Variants in LRRIQ1 observed in about 807,000 individuals in gnomAD.
The protein encoded by LRRIQ1 is leucine rich repeats and IQ motif containing 1.
A neutral mutation model predicts 211.9 loss-of-function variants in LRRIQ1; 210 were observed. That is an observed-to-expected ratio of 0.99 (90% CI 0.89 to 1.11). The LOEUF (loss-of-function observed/expected upper bound fraction) is 1.11. Ranked by LOEUF, LRRIQ1 falls within the 50% of genes most tolerant of loss-of-function variation. LRRIQ1 has a pLI of 0.00. For missense variants in LRRIQ1, 2,136 were observed against 1,939.5 expected, an observed-to-expected ratio of 1.10 and a Z score of -1.90; for synonymous variants, 699 against 650.1, an observed-to-expected ratio of 1.08 and a Z score of -1.14.
At chr12:85,270,609 C>A in the LRRIQ1 span, among the ~76,000 whole-genome samples, 1 of 152,042 alleles carries the variant, frequency 6.6e-6, no homozygotes, top group Non-Finnish European at 1.5e-5. Context: ...TGCACAGCAC[C>A]ATTTGTTAAT....
intron 18 of LRRIQ1, among the ~76,000 whole-genome samples, chr12:85,133,386 G>A (rs189180957): frequency 6.6e-5 from 10 of 152,184 alleles, no homozygotes; most frequent in East Asian, 1.9e-4. Context: ...TCAAACCTAC[G>A]CACACTTTCC....
rs190949471 is a variant in LRRIQ1, at chr12:85,262,142, A to G, written c.122-773A>G. On this transcript the variant is annotated intron_variant, in intron 1 of 1. Transcript: ENST00000602731. ...CATCCTGGGGTCTTACTGAGTAAAC[A>G]TTCTGAATCCACGAACTATTCTTAG... is the stretch of plus-strand genomic sequence containing the variant. 9.0e-3 allele frequency among the ~76,000 whole-genome samples: 1,370 copies of G among 152,274 alleles called. 8 individuals carry two copies. Among genetic ancestry groups the G allele is most frequent in the Admixed American group, 0.015 (223 of 15,290 alleles).
chr12:85,208,358 G>A (rs1893669341), intron 24 of LRRIQ1, among the ~76,000 whole-genome samples: 1 of 152,076 alleles, frequency 6.6e-6, no homozygotes, highest in Admixed American at 6.6e-5. Context: ...CACTTAAAAA[G>A]CTTTCTGAGT....
intron 15 of LRRIQ1, among the ~76,000 whole-genome samples, chr12:85,114,310 C>T (rs1022765782): frequency 1.3e-5 from 2 of 151,944 alleles, no homozygotes; most frequent in Non-Finnish European, 2.9e-5. Flanking sequence ...ACTAGCTTTT[C>T]CCATGATTCA....
chr12:85,146,304 A>G (rs1022093927), intron 19 of LRRIQ1, among the ~76,000 whole-genome samples: 5 of 151,766 alleles, frequency 3.3e-5, no homozygotes, highest in African/African-American at 1.2e-4. Flanking sequence ...TGTCCACCCC[A>G]TGGGATGACT....
intron 17 of LRRIQ1, among the ~76,000 whole-genome samples, chr12:85,125,225 C>T (rs1888295765): frequency 6.6e-6 from 1 of 152,004 alleles, no homozygotes; most frequent in African/African-American, 2.4e-5. Flanking sequence ...TACCTTTGCA[C>T]ATGCCATTTA....
At chr12:85,197,705 C>T (rs1346184419) in intron 24 of LRRIQ1, among the ~76,000 whole-genome samples, 1 of 151,514 alleles carries the variant, frequency 6.6e-6, no homozygotes, top group Admixed American at 6.6e-5. Context: ...GGAGGGATAG[C>T]ATCGGGAGAT....
intron 23 of LRRIQ1, among the ~76,000 whole-genome samples, chr12:85,155,755 G>A (rs1289296943): frequency 6.6e-6 from 1 of 151,704 alleles, no homozygotes; most frequent in Non-Finnish European, 1.5e-5. Context: ...AGCTTAGCTT[G>A]TCAGACTTCC....
At chr12:85,085,240 T>C (rs1324830042) in intron 11 of LRRIQ1, among the ~76,000 whole-genome samples, 1 of 152,196 alleles carries the variant, frequency 6.6e-6, no homozygotes, top group Non-Finnish European at 1.5e-5. Context: ...TCCGCACAGC[T>C]GGAACAGTTC....
At chr12:85,253,531 A>C (rs973011339) in intron 1 of LRRIQ1, among the ~76,000 whole-genome samples, 4 of 152,116 alleles carry the variant, frequency 2.6e-5, no homozygotes, top group African/African-American at 9.7e-5. Flanking sequence ...GTCTCTTGCC[A>C]GCCAGAACCA....
intron 17 of LRRIQ1, among the ~76,000 whole-genome samples, chr12:85,127,066 A>G (rs962214623): frequency 6.6e-6 from 1 of 152,172 alleles, no homozygotes; most frequent in East Asian, 1.9e-4. Context: ...CTTTGACTAC[A>G]CTCTTTACCT....
At chr12:85,168,329 G>A (rs539512085) in intron 24 of LRRIQ1, among the ~76,000 whole-genome samples, 25 of 152,054 alleles carry the variant, frequency 1.6e-4, no homozygotes, top group Middle Eastern at 6.8e-3. Context: ...CTCATATTCC[G>A]CCTTACCTCC....
chr12:85,220,695 C>A (rs904240802), intron 24 of LRRIQ1, among the ~76,000 whole-genome samples: 3 of 150,824 alleles, frequency 2.0e-5, no homozygotes, highest in African/African-American at 4.9e-5. Context: ...GCACAATGTG[C>A]AGGTTTGTTA....
intron 26 of LRRIQ1, among the ~76,000 whole-genome samples, chr12:85,236,319 G>T (rs766493027): frequency 2.0e-5 from 3 of 152,068 alleles, no homozygotes; most frequent in Non-Finnish European, 2.9e-5. Context: ...AGGTTAACAG[G>T]TATATGACTG....
intron 1 of LRRIQ1, among the ~76,000 whole-genome samples, chr12:85,255,764 GAC>G (rs928143308): frequency 6.6e-5 from 10 of 151,538 alleles, no homozygotes; most frequent in African/African-American, 2.4e-4. Flanking sequence ...GGAACTTTAA[GAC>G]ACAAATTTTT....
chr12:85,179,459 A>G (rs77329017), intron 24 of LRRIQ1, among the ~76,000 whole-genome samples: 8 of 152,010 alleles, frequency 5.3e-5, no homozygotes, highest in Admixed American at 4.6e-4. Context: ...GGATACTATT[A>G]CAATATTGTG....
At chr12:85,235,883 A>G (rs975946442) in intron 26 of LRRIQ1, among the ~76,000 whole-genome samples, 1 of 152,194 alleles carries the variant, frequency 6.6e-6, no homozygotes, top group Non-Finnish European at 1.5e-5. Flanking sequence ...ATGTGGGTCA[A>G]CTTTGAAAAA....
intron 24 of LRRIQ1, among the ~76,000 whole-genome samples, chr12:85,191,132 C>G (rs560864610): frequency 2.2e-4 from 33 of 152,122 alleles, no homozygotes; most frequent in African/African-American, 7.9e-4. Context: ...CTTTAAACAT[C>G]TCTTAGTAGA....
chr12:85,174,721 A>AAAAAAAAAAAAAAAAAAAAC (rs1349958202), intron 24 of LRRIQ1, among the ~76,000 whole-genome samples: 1 of 150,044 alleles, frequency 6.7e-6, no homozygotes, highest in African/African-American at 2.4e-5. Flanking sequence ...AAAAAAAAAA[A>AAAAAAAAAAAAAAAAAAAAC]AATCTGAGAT....
Sources: allele counts gnomAD v4.1 joint callset (sites outside exome capture counted in the v4.1 genomes callset), GRCh38; gene constraint gnomAD v4.1.1; transcripts MANE v1.5; gene names NCBI Gene and HGNC (gene_info 2026-07-23, HGNC 2026-07-21).